ATP6V1C1: variants seen among roughly 807,000 people sequenced by gnomAD.
The protein encoded by ATP6V1C1 is V-type proton ATPase subunit C 1.
Under a neutral mutation model 53.9 loss-of-function variants are expected in ATP6V1C1, and 45 were observed. That is an observed-to-expected ratio of 0.83 (90% confidence interval 0.66 to 1.07). The LOEUF (loss-of-function observed/expected upper bound fraction) is 1.07. Among genes scored for constraint, ATP6V1C1 ranks in the 50% least tolerant of loss-of-function variants. ATP6V1C1 has a pLI of 0.00. For synonymous variants in ATP6V1C1, 153 were observed against 155.2 expected (o/e 0.99, Z 0.11); for missense variants, 315 against 440.3 (o/e 0.72, Z 2.55).
Position 103,066,318 on chromosome 8 carries a change from A to G in ATP6V1C1, c.927-3A>G. ...GCGTACTGTATTTCTGCTTTTTTGT[A>G]AGGTATGGCTTGCCAGTGAACTTCC... On this transcript the variant is annotated splice_region_variant and splice_polypyrimidine_tract_variant and intron_variant, in intron 11 of 12. Transcript: ENST00000518738. 1 of 1,596,158 alleles carries G rather than the reference A, an allele frequency of 6.3e-7. No individual in the cohort carries two copies. The highest frequency in any genetic ancestry group is 1.1e-5 in the South Asian group (1 of 87,174).
intron 12 of ATP6V1C1, among the ~76,000 whole-genome samples, chr8:103,067,243 A>G (rs1319388658): frequency 6.6e-6 from 1 of 151,904 alleles, no homozygotes; most frequent in Non-Finnish European, 1.5e-5. Flanking sequence ...TACTAGAAAT[A>G]CAATAATTAG....
chr8:103,052,412 T>C (rs1172379168), intron 5 of ATP6V1C1, among the ~76,000 whole-genome samples: 2 of 152,114 alleles, frequency 1.3e-5, no homozygotes, highest in African/African-American at 4.8e-5. Flanking sequence ...GTCTTGTGAA[T>C]TGAAGCCTTG....
intron 1 of ATP6V1C1, chr8:103,021,455 G>C (rs1053988605): frequency 2.6e-5 from 4 of 152,338 alleles, no homozygotes; most frequent in Non-Finnish European, 5.9e-5. Context: ...GCTCTCGTGG[G>C]TAGTTAATGA....
chr8:103,062,173 T>G (rs1044657287), intron 8 of ATP6V1C1, among the ~76,000 whole-genome samples: 2 of 131,818 alleles, frequency 1.5e-5, no homozygotes, highest in African/African-American at 2.9e-5. Context: ...TTTTTTTTTT[T>G]TTTTTTTTTT....
At chr8:103,065,259 A>T (rs957181045) in intron 11 of ATP6V1C1, among the ~76,000 whole-genome samples, 4 of 152,208 alleles carry the variant, frequency 2.6e-5, no homozygotes, top group African/African-American at 9.6e-5. Flanking sequence ...AAATAGTTTT[A>T]AAAAACCCAA....
At chr8:103,065,989 C>T (rs1817482097) in intron 11 of ATP6V1C1, among the ~76,000 whole-genome samples, 1 of 150,938 alleles carries the variant, frequency 6.6e-6, no homozygotes, top group African/African-American at 2.4e-5. Context: ...TTGCAGTGAG[C>T]CAGGATTGCA....
intron 8 of ATP6V1C1, among the ~76,000 whole-genome samples, chr8:103,061,296 A>G (rs1438619090): frequency 1.3e-5 from 2 of 152,212 alleles, no homozygotes; most frequent in Admixed American, 6.5e-5. Flanking sequence ...GTCATACACT[A>G]GGGAGGTGCC....
At chr8:103,047,395 A>G (rs546013712) in intron 3 of ATP6V1C1, among the ~76,000 whole-genome samples, 2 of 138,678 alleles carry the variant, frequency 1.4e-5, no homozygotes, top group South Asian at 4.8e-4. Flanking sequence ...CAGTAGAGTG[A>G]GACTCTCTCT....
intron 3 of ATP6V1C1, among the ~76,000 whole-genome samples, chr8:103,045,875 A>G (rs889930027): frequency 1.3e-5 from 2 of 152,004 alleles, no homozygotes; most frequent in Admixed American, 6.5e-5. Context: ...CGGGAGGCGG[A>G]GCTTGCAGTG....
Position 103,052,779 on chromosome 8 carries a change from A to G in ATP6V1C1, c.430A>G (p.Asn144Asp). The G allele has an allele frequency of 1.3e-6, 2 of 1,599,914 alleles. No individual in the cohort carries two copies. The highest frequency in any genetic ancestry group is 1.7e-6 in the Non-Finnish European group (2 of 1,174,292). The change falls in exon 6 of 13, where the codon AAT (asparagine) becomes GAT (aspartate). Residue 144 changes from asparagine to aspartate, a missense_variant. Physicochemically the swap from Asn to Asp is conservative, Grantham distance 23. Transcript: ENST00000518738. ...CCTGAAATCTCGAGCATCTGCATAC[A>G]ATAACCTGAAAGGAAATCTTCAGAA... Reference protein sequence around the residue: ...NDLKSRASAYNNLKGNLQNLE... With the variant: ...NDLKSRASAYDNLKGNLQNLE...
At chr8:103,028,241 A>G (rs897871332) in intron 1 of ATP6V1C1, among the ~76,000 whole-genome samples, 5 of 152,180 alleles carry the variant, frequency 3.3e-5, no homozygotes, top group Admixed American at 6.5e-5. Context: ...CGAAACGAGC[A>G]AAGGCAGGGT....
At chr8:103,024,945 A>G (rs1254688166) in intron 1 of ATP6V1C1, among the ~76,000 whole-genome samples, 1 of 151,912 alleles carries the variant, frequency 6.6e-6, no homozygotes, top group Non-Finnish European at 1.5e-5. Flanking sequence ...GTTACTATGC[A>G]TTTATTGAGT....
intron 1 of ATP6V1C1, among the ~76,000 whole-genome samples, chr8:103,035,133 T>G (rs1200530163): frequency 6.6e-6 from 1 of 152,144 alleles, no homozygotes; most frequent in Non-Finnish European, 1.5e-5. Context: ...AACCCTCTTT[T>G]TTATATTTTT....
At chr8:103,025,712 G>A (rs1586305051) in intron 1 of ATP6V1C1, among the ~76,000 whole-genome samples, 1 of 152,164 alleles carries the variant, frequency 6.6e-6, no homozygotes, top group East Asian at 1.9e-4. Flanking sequence ...TGCAAGTGGG[G>A]GTGGTGATAA....
Position 103,047,423 on chromosome 8 carries a change from TGCGC to T in ATP6V1C1, c.201-1442_201-1439del, listed in dbSNP as rs56115164. ...CTCTCTCTTAAAAAAAAAAAAAAAATGCGCGCGCACACACACACACACACACACA... is the reference window on the plus strand; with the variant it reads ...CTCTCTCTTAAAAAAAAAAAAAAAATGCGCACACACACACACACACACACA... On this transcript the variant is annotated intron_variant, in intron 3 of 12. Coordinates refer to ENST00000518738, the MANE Select transcript of ATP6V1C1 (RefSeq NM_001695.5). 1.7e-3 allele frequency among the ~76,000 whole-genome samples: 210 copies of T among 121,070 alleles called. 2 individuals carry two copies. The highest frequency in any genetic ancestry group is 6.4e-3 in the African/African-American group (207 of 32,526). 79.4% of individuals were successfully genotyped at this position (121,070 alleles called of 152,430 possible).
At chr8:103,024,019 G>A (rs946690479) in intron 1 of ATP6V1C1, among the ~76,000 whole-genome samples, 1 of 152,110 alleles carries the variant, frequency 6.6e-6, no homozygotes, top group Non-Finnish European at 1.5e-5. Flanking sequence ...ATCTTGGATA[G>A]AGCTGTTCAA....
rs545794825 is a variant in ATP6V1C1, at chr8:103,027,713, T to TA, written c.-40+6490dup. 7.3e-3 allele frequency among the ~76,000 whole-genome samples: 1,116 copies of TA among 152,052 alleles called. 19 individuals carry two copies. The highest frequency in any genetic ancestry group is 0.026 in the African/African-American group (1,072 of 41,446). ...GAAAAATAATTGTTACTTTTTTTTT[T>TA]AAGCAGCACACTTATTGCAGTCAGA... On this transcript the variant is annotated intron_variant, in intron 1 of 12. Coordinates refer to ENST00000518738, the MANE Select transcript of ATP6V1C1 (RefSeq NM_001695.5).
chr8:103,033,636 A>T (rs1053632834), intron 1 of ATP6V1C1, among the ~76,000 whole-genome samples: 1 of 152,252 alleles, frequency 6.6e-6, no homozygotes, highest in African/African-American at 2.4e-5. Context: ...CTATGAGAGC[A>T]TATAATACAT....
intron 2 of ATP6V1C1, among the ~76,000 whole-genome samples, chr8:103,041,184 T>C (rs567791923): frequency 1.3e-5 from 2 of 152,354 alleles, no homozygotes; most frequent in African/African-American, 4.8e-5. Flanking sequence ...CTCTTCTAAA[T>C]TGCAATGAAA....
Sources: allele counts gnomAD v4.1 joint callset (sites outside exome capture counted in the v4.1 genomes callset), GRCh38; gene constraint gnomAD v4.1.1; transcripts MANE v1.5; gene names NCBI Gene and HGNC (gene_info 2026-07-23, HGNC 2026-07-21).